BTBD10: variants seen among roughly 807,000 people sequenced by gnomAD.
BTBD10 encodes BTB domain containing 10, also known as BTB/POZ domain-containing protein 10.
In BTBD10, 21 loss-of-function variants were observed where a neutral mutation model predicts 53.2. The observed-to-expected ratio is 0.39, with a 90% CI of 0.28 to 0.57. The LOEUF (loss-of-function observed/expected upper bound fraction) is 0.57. Among genes scored for constraint, BTBD10 ranks in the 20% least tolerant of loss-of-function variants. The probability of loss-of-function intolerance (pLI) is 0.53; values close to 1 mark genes in which losing one functional copy is unlikely to be tolerated. For missense variants in BTBD10, 360 were observed against 594.7 expected (o/e 0.61, Z 4.10); for synonymous variants, 149 against 192.7 (o/e 0.77, Z 1.88).
intron 8 of BTBD10, among the ~76,000 whole-genome samples, chr11:13,395,608 T>C (rs1400020086): frequency 6.6e-6 from 1 of 152,382 alleles, no homozygotes; most frequent in African/African-American, 2.4e-5. Context: ...CATGAAGTCC[T>C]TGCCCATGCC....
intron 8 of BTBD10, among the ~76,000 whole-genome samples, chr11:13,398,114 A>G (rs1423993210): frequency 2.0e-5 from 3 of 152,136 alleles, no homozygotes; most frequent in African/African-American, 4.8e-5. Flanking sequence ...TTTCTGTCTC[A>G]TTGATCTGTC....
intron 2 of BTBD10, among the ~76,000 whole-genome samples, chr11:13,429,070 TCACA>T (rs1379668495): frequency 6.6e-6 from 1 of 151,042 alleles, no homozygotes; most frequent in Non-Finnish European, 1.5e-5. Context: ...TGTGAAAAAC[TCACA>T]CATTGGCAAA....
intron 2 of BTBD10, among the ~76,000 whole-genome samples, chr11:13,444,783 G>A (rs1950723036): frequency 2.6e-5 from 4 of 151,734 alleles, no homozygotes; most frequent in Non-Finnish European, 5.9e-5. Context: ...TTATTCATGG[G>A]GTCAACTAGG....
At chr11:13,419,799 AT>A in intron 3 of BTBD10, 54 bp from the exon 4 acceptor site, 2 of 1,366,250 alleles carry the variant, frequency 1.5e-6, no homozygotes, top group Non-Finnish European at 2.0e-6. Flanking sequence ...CAAATTCAAG[AT>A]TTATATATAT....
chr11:13,442,651 CTTATT>C (rs1950679739), intron 2 of BTBD10, among the ~76,000 whole-genome samples: 2 of 152,248 alleles, frequency 1.3e-5, no homozygotes, highest in Non-Finnish European at 2.9e-5. Context: ...TCTCTGAACT[CTTATT>C]TTATAACTCA....
Position 13,419,573 on chromosome 11 carries a change from T to C in BTBD10, c.471A>G (p.Lys157=), listed in dbSNP as rs533959399. 92 of 1,614,134 alleles carry C rather than the reference T, an allele frequency of 5.7e-5. 1 individual carries two copies. The South Asian group carries it at 9.8e-4, about 17-fold the overall frequency. ...GEMVFVYENA[K]EGARNIRTSE... ...ACGTTCTTATATTCCGAGCTCCTTC[T>C]TTTGCATTTTCATATACAAACACCA... Residue 157 remains lysine (K), a synonymous_variant, in exon 4 of 9, where the codon AAA becomes AAG. Coordinates refer to ENST00000278174, the MANE Select transcript of BTBD10 (RefSeq NM_032320.7).
chr11:13,449,295 C>G (rs915446503), intron 1 of BTBD10, among the ~76,000 whole-genome samples: 5 of 152,108 alleles, frequency 3.3e-5, no homozygotes, highest in Non-Finnish European at 2.9e-5. Flanking sequence ...TTTTCACTAT[C>G]GAAGTTCTAG....
chr11:13,461,720 T>C (rs920280997), intron 1 of BTBD10, among the ~76,000 whole-genome samples: 2 of 152,146 alleles, frequency 1.3e-5, no homozygotes, highest in African/African-American at 2.4e-5. Context: ...AGAAAAAAGG[T>C]GAACGAACAC....
At chr11:13,391,222 T>C (rs894681901) in intron 8 of BTBD10, among the ~76,000 whole-genome samples, 14 of 152,316 alleles carry the variant, frequency 9.2e-5, no homozygotes, top group Non-Finnish European at 1.8e-4. Flanking sequence ...TGCTACACTC[T>C]AACTCTAGAG....
At chr11:13,441,291 C>A (rs2134023297) in intron 2 of BTBD10, among the ~76,000 whole-genome samples, 1 of 151,936 alleles carries the variant, frequency 6.6e-6, no homozygotes, top group East Asian at 1.9e-4. Flanking sequence ...AAGAAAGCAC[C>A]TTTTACTGAA....
chr11:13,430,694 A>C (rs901952951), intron 2 of BTBD10, among the ~76,000 whole-genome samples: 1 of 152,180 alleles, frequency 6.6e-6, no homozygotes, highest in Non-Finnish European at 1.5e-5. Flanking sequence ...TACTCAACAT[A>C]AAAAAGAATG....
intron 1 of BTBD10, among the ~76,000 whole-genome samples, chr11:13,458,599 T>TG (rs1167832190): frequency 2.6e-5 from 4 of 152,226 alleles, no homozygotes; most frequent in Non-Finnish European, 5.9e-5. Flanking sequence ...GATTTGCACT[T>TG]TAGTTTTCTC....
intron 2 of BTBD10, among the ~76,000 whole-genome samples, chr11:13,428,991 A>T (rs1257249044): frequency 6.6e-6 from 1 of 152,172 alleles, no homozygotes; most frequent in African/African-American, 2.4e-5. Context: ...CCTAAAATTG[A>T]AATTTTAAAA....
intron 4 of BTBD10, among the ~76,000 whole-genome samples, chr11:13,418,862 A>T (rs916927081): frequency 1.3e-5 from 2 of 151,962 alleles, no homozygotes; most frequent in Admixed American, 1.3e-4. Flanking sequence ...TCCTTCTTAG[A>T]CTGTGGTTCC....
At chr11:13,389,837 T>C (rs910600059) in intron 8 of BTBD10, among the ~76,000 whole-genome samples, 1 of 152,238 alleles carries the variant, frequency 6.6e-6, no homozygotes, top group Non-Finnish European at 1.5e-5. Context: ...TATATTGCTC[T>C]GAGTTTTTTC....
chr11:13,412,131 C>A (rs968601866), intron 6 of BTBD10, among the ~76,000 whole-genome samples: 1 of 151,866 alleles, frequency 6.6e-6, no homozygotes, highest in Non-Finnish European at 1.5e-5. Context: ...GCACCCAGCC[C>A]CTAAAATCAT....
At chr11:13,424,120 A>G (rs1950292741) in intron 2 of BTBD10, among the ~76,000 whole-genome samples, 2 of 152,240 alleles carry the variant, frequency 1.3e-5, no homozygotes, top group Admixed American at 1.3e-4. Flanking sequence ...TATAGAAAAA[A>G]TAACTCTTCA....
intron 2 of BTBD10, among the ~76,000 whole-genome samples, chr11:13,429,299 A>G (rs1402055628): frequency 6.6e-6 from 1 of 152,194 alleles, no homozygotes. Context: ...GCTGATTCCA[A>G]AATTCATATG....
chr11:13,405,869 C>T lies in BTBD10; in HGVS notation c.809-13G>A. 6.2e-7 allele frequency: 1 copy of T among 1,609,126 alleles called. No homozygotes were observed. Among genetic ancestry groups the T allele is most frequent in the Non-Finnish European group, 8.5e-7 (1 of 1,177,354 alleles). Reference sequence around the variant, plus strand: ...TGCATTAGGGCACCTGAAATGAAATCCACAAAAATATCTTACCAAAACTTT... The same window carrying T: ...TGCATTAGGGCACCTGAAATGAAATTCACAAAAATATCTTACCAAAACTTT... On this transcript the variant is annotated splice_polypyrimidine_tract_variant and intron_variant, in intron 6 of 8. Coordinates refer to ENST00000278174, the MANE Select transcript of BTBD10 (RefSeq NM_032320.7).
Sources: gnomAD v4.1 joint callset for allele counts (sites outside exome capture counted in the v4.1 genomes callset) on GRCh38, gnomAD v4.1.1 for gene constraint, MANE v1.5 for transcripts, NCBI Gene and HGNC (gene_info 2026-07-23, HGNC 2026-07-21) for gene names.